The following MTA3 variants were observed in gnomAD, a reference collection of about 807,000 sequenced individuals.
MTA3 encodes the protein metastasis-associated protein MTA3.
MTA3 carries 34 observed loss-of-function variants against 83.5 expected under a neutral mutation model. The ratio of observed to expected loss-of-function variants is 0.41; its 90% CI spans 0.31 to 0.54. The LOEUF (loss-of-function observed/expected upper bound fraction) is 0.54. MTA3 is among the 20% of genes least tolerant of loss of function. The pLI is 0.33. For synonymous variants in MTA3, 303 were observed against 252.7 expected (o/e 1.20, Z -1.89); for missense variants, 761 against 726.4 (o/e 1.05, Z -0.55).
At chr2:42,712,461 AT>A (rs959193262) in intron 14 of MTA3, among the ~76,000 whole-genome samples, 1 of 151,704 alleles carries the variant, frequency 6.6e-6, no homozygotes, top group African/African-American at 2.4e-5. Context: ...CGGTTAATTT[AT>A]TTTTTTTAGA....
intron 9 of MTA3, among the ~76,000 whole-genome samples, chr2:42,691,570 T>C (rs187532102): frequency 9.8e-5 from 15 of 152,356 alleles, no homozygotes; most frequent in African/African-American, 3.4e-4. Flanking sequence ...TACAGTGTTA[T>C]AATACTCAAT....
intron 4 of MTA3, among the ~76,000 whole-genome samples, chr2:42,616,474 A>G (rs1043165241): frequency 6.7e-6 from 1 of 148,686 alleles, no homozygotes; most frequent in Non-Finnish European, 1.5e-5. Flanking sequence ...ACAGCCATTC[A>G]GGATTTGAAC....
At chr2:42,604,289 C>T (rs550290422) in intron 3 of MTA3, among the ~76,000 whole-genome samples, 21 of 150,594 alleles carry the variant, frequency 1.4e-4, no homozygotes, top group Non-Finnish European at 3.0e-4. Flanking sequence ...GTGATCCACC[C>T]GCCTCGGCCT....
chr2:42,722,930 C>G lies in MTA3; in HGVS notation c.1654C>G (p.Pro552Ala), dbSNP rs996300205. The part of the protein sequence containing the change: ...AKKPNVIRST[P>A]SLQTPTTKRM... ...GAAACCTAATGTAATTCGATCTACA[C>G]CAAGCCTGCAAACCCCAACTACCAA... Residue 552 changes from proline to alanine, a missense_variant, in exon 16 of 17, where the codon CCA (proline) becomes GCA (alanine). Coordinates refer to ENST00000405094, the MANE Select transcript of MTA3 (RefSeq NM_001330442.2). 6.4e-7 allele frequency: 1 copy of G among 1,551,242 alleles called. No individual in the cohort carries two copies. The highest frequency in any genetic ancestry group is 8.7e-7 in the Non-Finnish European group (1 of 1,147,144).
chr2:42,649,345 A>C (rs1188615944), intron 6 of MTA3, among the ~76,000 whole-genome samples: 1 of 151,908 alleles, frequency 6.6e-6, no homozygotes, highest in Non-Finnish European at 1.5e-5. Context: ...TGCAGTGAGC[A>C]GAGGTTGCAG....
intron 2 of MTA3, among the ~76,000 whole-genome samples, chr2:42,513,993 C>T (rs1296268618): frequency 3.9e-5 from 6 of 152,198 alleles, no homozygotes. Context: ...GTGAATGGAT[C>T]ACCTGAGGTC....
chr2:42,581,360 CTTTTTTTTTTTTTTTT>C (rs778419810), intron 3 of MTA3, among the ~76,000 whole-genome samples: 2 of 88,266 alleles, frequency 2.3e-5, no homozygotes, highest in South Asian at 3.6e-4. Context: ...TCCCAAATTG[CTTTTTTTTTTTTTTTT>C]TTTTTTTTTC....
At chr2:42,730,649 G>T (rs934500857) in intron 16 of MTA3, among the ~76,000 whole-genome samples, 5 of 151,682 alleles carry the variant, frequency 3.3e-5, no homozygotes, top group Non-Finnish European at 7.4e-5. Context: ...TGTTCATCAG[G>T]ACATTGACTT....
At chr2:42,718,854 C>T in intron 14 of MTA3, 134 bp from the exon 15 acceptor site, 1 of 661,282 alleles carries the variant, frequency 1.5e-6, no homozygotes, top group South Asian at 2.2e-5. Context: ...TTCTCAAACC[C>T]AAAAGGAAAT....
intron 3 of MTA3, among the ~76,000 whole-genome samples, chr2:42,593,500 A>G (rs1681295707): frequency 6.6e-6 from 1 of 152,194 alleles, no homozygotes; most frequent in African/African-American, 2.4e-5. Context: ...ATCATCACAG[A>G]CATGTGAGTA....
intron 16 of MTA3, among the ~76,000 whole-genome samples, chr2:42,747,314 T>C (rs756121632): frequency 6.6e-6 from 1 of 152,110 alleles, no homozygotes; most frequent in Non-Finnish European, 1.5e-5. Flanking sequence ...GTTCAGATTC[T>C]TCTTGACCTC....
At chr2:42,550,176 G>C (rs1269906089) in intron 2 of MTA3, among the ~76,000 whole-genome samples, 1 of 152,122 alleles carries the variant, frequency 6.6e-6, no homozygotes, top group Non-Finnish European at 1.5e-5. Context: ...AAATCTTATA[G>C]CTATGAAATT....
intron 6 of MTA3, among the ~76,000 whole-genome samples, chr2:42,655,604 T>C (rs1689094561): frequency 6.6e-6 from 1 of 152,168 alleles, no homozygotes; most frequent in Non-Finnish European, 1.5e-5. Context: ...GAAGTGATGC[T>C]TTCTTTCTTT....
At chr2:42,537,152 A>G (rs925526764) in intron 2 of MTA3, among the ~76,000 whole-genome samples, 3 of 152,190 alleles carry the variant, frequency 2.0e-5, no homozygotes, top group African/African-American at 7.2e-5. Flanking sequence ...CTGTAAACTC[A>G]TCCCAGCATA....
intron 2 of MTA3, among the ~76,000 whole-genome samples, chr2:42,520,088 A>G (rs1175627900): frequency 6.6e-6 from 1 of 152,192 alleles, no homozygotes; most frequent in Non-Finnish European, 1.5e-5. Context: ...ACTTAAACAC[A>G]ATTTAGGGTA....
At chr2:42,514,438 G>C (rs939661256) in intron 2 of MTA3, among the ~76,000 whole-genome samples, 2 of 152,064 alleles carry the variant, frequency 1.3e-5, no homozygotes, top group African/African-American at 4.8e-5. Context: ...CTGGAGTGCA[G>C]GGGCACTGTC....
At chr2:42,597,606 A>C (rs1266706679) in intron 3 of MTA3, among the ~76,000 whole-genome samples, 1 of 150,646 alleles carries the variant, frequency 6.6e-6, no homozygotes, top group East Asian at 2.0e-4. Context: ...GGCTGGTCTC[A>C]AACTCCTGAC....
chr2:42,729,086 GT>G (rs1216600680), intron 16 of MTA3, among the ~76,000 whole-genome samples: 27 of 60,120 alleles, frequency 4.5e-4, no homozygotes, highest in African/African-American at 1.7e-3. Context: ...CACAGTTTGA[GT>G]TTTTTTTTTT....
chr2:42,626,528 C>A (rs544404585), intron 4 of MTA3, among the ~76,000 whole-genome samples: 5 of 151,724 alleles, frequency 3.3e-5, no homozygotes, highest in African/African-American at 4.8e-5. Flanking sequence ...GAACTCCTGA[C>A]CTCGTGATCC....
Sources: allele counts gnomAD v4.1 joint callset (sites outside exome capture counted in the v4.1 genomes callset), GRCh38; gene constraint gnomAD v4.1.1; transcripts MANE v1.5; gene names NCBI Gene and HGNC (gene_info 2026-07-23, HGNC 2026-07-21).